BRWD1: variants seen among roughly 807,000 people sequenced by gnomAD.
BRWD1 encodes the protein bromodomain and WD repeat domain containing 1, also known as bromodomain and WD repeat-containing protein 1.
A neutral mutation model predicts 251.2 loss-of-function variants in BRWD1; 82 were observed. The observed-to-expected ratio is 0.33, with a 90% CI of 0.27 to 0.39. The LOEUF is 0.39. Among genes scored for constraint, BRWD1 ranks in the 10% least tolerant of loss-of-function variants. The probability of loss-of-function intolerance (pLI) is 1.00; values close to 1 mark genes in which losing one functional copy is unlikely to be tolerated. For missense variants in BRWD1, 2,233 were observed against 2,711.6 expected (o/e 0.82, Z 3.92); for synonymous variants, 918 against 902.8 (o/e 1.02, Z -0.30).
At chr21:39,276,719 AT>A (rs1444581670) in intron 11 of BRWD1, among the ~76,000 whole-genome samples, 6 of 150,920 alleles carry the variant, frequency 4.0e-5, no homozygotes. Context: ...CTTACTATGC[AT>A]TATTAAAATC....
chr21:39,318,204 T>A (rs1401594134), upstream of BRWD1, among the ~76,000 whole-genome samples: 2 of 152,040 alleles, frequency 1.3e-5, no homozygotes, highest in Non-Finnish European at 2.9e-5. Flanking sequence ...TAAATATGAA[T>A]GCATATCTAG....
At position 39,255,902 on chromosome 21, in the gene BRWD1, C is replaced by T. The variant is rs1371533418; in HGVS notation, c.2072-74G>A. 58 of 1,343,886 alleles carry T rather than the reference C, an allele frequency of 4.3e-5. No homozygotes were observed. In the Middle Eastern group the frequency reaches 5.5e-4, roughly 13 times the overall value. 83.2% of individuals were successfully genotyped at this position (1,343,886 alleles called of 1,614,324 possible). On this transcript the variant is annotated intron_variant, in intron 18 of 40. Transcript: ENST00000342449. ...ATACATTTAGCATGTAACAAGCACA[C>T]GTTCACCTAAGATGCGCACCAAAAA...
At chr21:39,269,037 C>T (rs2035019343) in intron 15 of BRWD1, among the ~76,000 whole-genome samples, 1 of 151,818 alleles carries the variant, frequency 6.6e-6, no homozygotes, top group Non-Finnish European at 1.5e-5. Flanking sequence ...AAAGATACAA[C>T]CACTTAAACA....
rs187864014 is a variant in BRWD1 at position 39,237,449 on chromosome 21, T to A, written c.2577-665A>T. On this transcript the variant is annotated intron_variant, in intron 22 of 40. Coordinates refer to ENST00000342449, the MANE Select transcript of BRWD1 (RefSeq NM_033656.4). Reference sequence around the variant, plus strand: ...AAAATAAAGGACTCTACTTGGGCCATCCTTGGCCCAACTTCAACCAACCAC... The same window carrying A: ...AAAATAAAGGACTCTACTTGGGCCAACCTTGGCCCAACTTCAACCAACCAC... Among the ~76,000 whole-genome samples the A allele has an allele frequency of 1.3e-4, 20 of 152,334 alleles. No individual in the cohort carries two copies. The East Asian group carries it at 3.9e-3, about 29-fold the overall frequency.
At chr21:39,251,405 A>C (rs953703381) in intron 19 of BRWD1, among the ~76,000 whole-genome samples, 1 of 152,194 alleles carries the variant, frequency 6.6e-6, no homozygotes, top group African/African-American at 2.4e-5. Flanking sequence ...GGTACTAAAA[A>C]TCATTTTTCT....
chr21:39,315,673 T>C (rs1032986460), upstream of BRWD1: 4 of 151,762 alleles, frequency 2.6e-5, no homozygotes, highest in East Asian at 1.9e-4. Flanking sequence ...AATCTAAATA[T>C]GTTTGAGCTA....
chr21:39,278,624 T>C, intron 10 of BRWD1, 119 bp downstream of exon 10: 1 of 657,222 alleles, frequency 1.5e-6, no homozygotes, highest in South Asian at 2.7e-5. Context: ...TTGAACCTAA[T>C]GAAATAAACA....
Position 39,313,596 on chromosome 21 carries a change from C to CT in BRWD1, c.-106_-105insA. The CT allele has an allele frequency of 3.6e-6, 3 of 840,040 alleles. No homozygotes were observed. Among genetic ancestry groups the CT allele is most frequent in the Non-Finnish European group, 4.7e-6 (3 of 638,856 alleles). 52.0% of individuals were successfully genotyped at this position (840,040 alleles called of 1,614,324 possible). On this transcript the variant is annotated 5_prime_UTR_variant, in exon 1 of 41. The change abolishes the stop of an existing upstream ORF in the 5' untranslated region. Transcript: ENST00000342449. ...TCCCCTCTTCTCAGGCGCGCGCCGC[C>CT]GCCGCCGCCGCCGCCGCCATACCGT... is the stretch of plus-strand genomic sequence containing the variant.
intron 8 of BRWD1, 130 bp downstream of exon 8, chr21:39,293,681 A>T: frequency 1.4e-6 from 1 of 698,750 alleles, no homozygotes; most frequent in Non-Finnish European, 2.4e-6. Flanking sequence ...GATTTGTATG[A>T]ATGATTATCA....
intron 4 of BRWD1, among the ~76,000 whole-genome samples, chr21:39,310,616 T>TAAA (rs1568982156): frequency 1.3e-5 from 2 of 152,094 alleles, no homozygotes; most frequent in East Asian, 1.9e-4. Context: ...AAAAAAAAAT[T>TAAA]ATTATTATTC....
chr21:39,205,382 T>G (rs2032339143), intron 37 of BRWD1, among the ~76,000 whole-genome samples: 1 of 151,994 alleles, frequency 6.6e-6, no homozygotes, highest in Non-Finnish European at 1.5e-5. Flanking sequence ...GAAGCTGAGG[T>G]GAGAGGGACT....
intron 4 of BRWD1, among the ~76,000 whole-genome samples, chr21:39,306,219 G>A (rs183896467): frequency 1.3e-3 from 200 of 151,820 alleles, no homozygotes; most frequent in African/African-American, 4.2e-3. Flanking sequence ...ACAGGCGCCC[G>A]CCACCACGTC....
intron 4 of BRWD1, among the ~76,000 whole-genome samples, chr21:39,300,581 G>A (rs1345702808): frequency 6.6e-6 from 1 of 152,160 alleles, no homozygotes; most frequent in African/African-American, 2.4e-5. Context: ...AAATTAGATT[G>A]ACCCTGTCTC....
chr21:39,253,585 A>G (rs2034469031), intron 19 of BRWD1, among the ~76,000 whole-genome samples: 1 of 152,174 alleles, frequency 6.6e-6, no homozygotes, highest in Non-Finnish European at 1.5e-5. Context: ...ACAGCATACT[A>G]TATACATATT....
chr21:39,258,746 T>C, intron 17 of BRWD1, 74 bp from the exon 18 acceptor site: 1 of 995,110 alleles, frequency 1.0e-6, no homozygotes, highest in Non-Finnish European at 1.4e-6. Context: ...GGGTACAAAT[T>C]AAAATACATT....
chr21:39,309,181 A>C (rs2036386249), intron 4 of BRWD1, among the ~76,000 whole-genome samples: 1 of 151,394 alleles, frequency 6.6e-6, no homozygotes, highest in South Asian at 2.1e-4. Context: ...TCAAAAAAAA[A>C]CAAAACAAAA....
In BRWD1 at chr21:39,189,519, T is replaced by G. The variant is rs563225979; in HGVS notation, c.*6740A>C. The G allele has an allele frequency of 1.0e-6, 1 of 981,954 alleles. No individual in the cohort carries two copies. The highest frequency in any genetic ancestry group is 4.7e-5 in the South Asian group (1 of 21,230). 60.8% of individuals were successfully genotyped at this position (981,954 alleles called of 1,614,324 possible). ...CTAAAATCAGGTTTTTAAAAAATAC[T>G]TAAGGAAATTTGAACTTCAGTAACT... On this transcript the variant is annotated 3_prime_UTR_variant, in exon 41 of 41. Transcript: ENST00000342449.
intron 22 of BRWD1, among the ~76,000 whole-genome samples, chr21:39,238,081 C>T (rs74698151): frequency 0.015 from 2,314 of 152,140 alleles, 56 homozygotes; most frequent in African/African-American, 0.053. Context: ...ATGAAGGTGA[C>T]GTGCACCAAG....
At chr21:39,274,290 A>G in intron 13 of BRWD1, 84 bp downstream of exon 13, 2 of 1,071,952 alleles carry the variant, frequency 1.9e-6, no homozygotes, top group Non-Finnish European at 2.8e-6. Context: ...ATAACCACTG[A>G]GAGACACAGA....
Sources: allele counts gnomAD v4.1 joint callset (sites outside exome capture counted in the v4.1 genomes callset), GRCh38; gene constraint gnomAD v4.1.1; transcripts MANE v1.5; gene names NCBI Gene and HGNC (gene_info 2026-07-23, HGNC 2026-07-21).